ATAD2: variants seen among roughly 807,000 people sequenced by gnomAD.
The protein encoded by ATAD2 is ATPase family AAA domain-containing protein 2.
In ATAD2, 62 loss-of-function variants were observed where a neutral mutation model predicts 168.9. The ratio of observed to expected loss-of-function variants is 0.37; its 90% CI spans 0.30 to 0.45. The LOEUF is 0.45. Ranked by LOEUF, ATAD2 falls within the 20% of genes least tolerant of loss-of-function variation. The probability of loss-of-function intolerance (pLI) is 1.00; values close to 1 mark genes in which losing one functional copy is unlikely to be tolerated. For missense variants in ATAD2, 1,419 were observed against 1,667.8 expected (o/e 0.85, Z 2.60); for synonymous variants, 613 against 571.6 (o/e 1.07, Z -1.03).
At chr8:123,338,925 TA>T (rs1827991577) in intron 20 of ATAD2, among the ~76,000 whole-genome samples, 1 of 152,046 alleles carries the variant, frequency 6.6e-6, no homozygotes, top group Admixed American at 6.6e-5. Flanking sequence ...AGTAGTTCTT[TA>T]GACAGAGATG....
chr8:123,397,457 T>C (rs2130002497), upstream of ATAD2, among the ~76,000 whole-genome samples: 1 of 152,310 alleles, frequency 6.6e-6, no homozygotes, highest in East Asian at 1.9e-4. Context: ...CAATAAGCGT[T>C]CGCTATTATC....
upstream of ATAD2, chr8:123,400,848 TCAC>T: frequency 7.3e-7 from 1 of 1,363,478 alleles, no homozygotes; most frequent in Admixed American, 1.7e-5. The surrounding 1 kb of genome is among the most constrained non-coding windows in gnomAD (Gnocchi z 4.5). Context: ...TTGGTTTCAT[TCAC>T]CACAACTGCA....
chr8:123,380,212 C>T (rs375086985), intron 2 of ATAD2, among the ~76,000 whole-genome samples: 10 of 152,066 alleles, frequency 6.6e-5, no homozygotes, highest in Middle Eastern at 3.4e-3. Flanking sequence ...CCACTACACC[C>T]GGCTAATTAT....
At position 123,346,873 on chromosome 8, in the gene ATAD2, G is replaced by A. The variant is rs189580888; in HGVS notation, c.2213-123C>T. 1,050 of 1,182,996 alleles carry A rather than the reference G, an allele frequency of 8.9e-4. 1 individual carries two copies. Among genetic ancestry groups the A allele is most frequent in the Admixed American group, 1.7e-3 (65 of 39,002 alleles). The allele number at this position is 1,182,996 out of a possible 1,614,324, so 73.3% of individuals were successfully genotyped here. On this transcript the variant is annotated intron_variant, in intron 16 of 27. Coordinates refer to ENST00000287394, the MANE Select transcript of ATAD2 (RefSeq NM_014109.4). The stretch of plus-strand genomic sequence containing the variant: ...TCAAAGAATCAAAAATATTTGTGTA[G>A]ATATGAATTAATAAGTAAATGTAAA...
intron 1 of ATAD2, among the ~76,000 whole-genome samples, chr8:123,389,379 T>C (rs568518981): frequency 3.5e-5 from 5 of 143,662 alleles, no homozygotes; most frequent in South Asian, 2.4e-4. Context: ...GTGGCTCACA[T>C]CTGTAATCCC....
At chr8:123,383,147 A>G (rs922411166) in intron 1 of ATAD2, among the ~76,000 whole-genome samples, 2 of 152,170 alleles carry the variant, frequency 1.3e-5, no homozygotes. Context: ...TTGAACAATG[A>G]GAACACATGG....
chr8:123,396,460 T>A, upstream of ATAD2: 2 of 1,281,474 alleles, frequency 1.6e-6, no homozygotes, highest in Non-Finnish European at 2.1e-6. Context: ...CGCCACAAGC[T>A]CCGCGCCAGC....
chr8:123,401,992 G>C, intron 1 of ATAD2: 1 of 1,244,248 alleles, frequency 8.0e-7, no homozygotes, highest in Non-Finnish European at 1.2e-6. Context: ...CCCGCAGCCT[G>C]TCTGTCCTTT....
At chr8:123,403,564 G>T (rs1030055901) in intron 1 of ATAD2, among the ~76,000 whole-genome samples, 1 of 152,164 alleles carries the variant, frequency 6.6e-6, no homozygotes, top group African/African-American at 2.4e-5. Flanking sequence ...AGCCTCCTGA[G>T]TAGCTGGGAC....
At chr8:123,392,507 A>C (rs1324078099) in intron 1 of ATAD2, among the ~76,000 whole-genome samples, 1 of 152,116 alleles carries the variant, frequency 6.6e-6, no homozygotes, top group Non-Finnish European at 1.5e-5. Flanking sequence ...ATAAAAAAAA[A>C]ATCTTACCTA....
upstream of ATAD2, chr8:123,396,530 A>G: frequency 1.6e-6 from 1 of 629,714 alleles, no homozygotes; most frequent in Middle Eastern, 4.4e-4. Flanking sequence ...CCACCACCGT[A>G]GAACAGCAGG....
chr8:123,400,806 C>A, upstream of ATAD2: 1 of 973,474 alleles, frequency 1.0e-6, no homozygotes, highest in Non-Finnish European at 1.7e-6. The surrounding 1 kb of genome is among the most constrained non-coding windows in gnomAD (Gnocchi z 4.5). Context: ...CAGAGGGCAA[C>A]ATGGCCATCA....
At chr8:123,330,245 C>T (rs1242700218) in intron 24 of ATAD2, among the ~76,000 whole-genome samples, 3 of 152,130 alleles carry the variant, frequency 2.0e-5, no homozygotes, top group Non-Finnish European at 4.4e-5. Context: ...CCACCTTAGC[C>T]TCCCAAAGTG....
chr8:123,411,483 T>G (rs1327161309), intron 1 of ATAD2, among the ~76,000 whole-genome samples: 1 of 152,098 alleles, frequency 6.6e-6, no homozygotes, highest in African/African-American at 2.4e-5. Context: ...CGACTAAGAA[T>G]CCGTAAGCCT....
chr8:123,408,830 CTTT>C (rs763955875), intron 1 of ATAD2, among the ~76,000 whole-genome samples: 2 of 140,942 alleles, frequency 1.4e-5, no homozygotes, highest in Non-Finnish European at 1.5e-5. Flanking sequence ...AAGATATATT[CTTT>C]TTTTTTTTTT....
chr8:123,368,674 T>A (rs911584546), intron 8 of ATAD2, among the ~76,000 whole-genome samples: 1 of 152,144 alleles, frequency 6.6e-6, no homozygotes, highest in Non-Finnish European at 1.5e-5. Flanking sequence ...GGAAAATGCA[T>A]CTGTGATAGT....
chr8:123,325,709 C>G (rs1045632599), intron 26 of ATAD2, among the ~76,000 whole-genome samples, 184 bp downstream of exon 26: 5 of 152,190 alleles, frequency 3.3e-5, no homozygotes, highest in African/African-American at 1.2e-4. Flanking sequence ...GCGTGAGCCA[C>G]TGTGCCTGAC....
Position 123,321,112 on chromosome 8 carries a change from A to T in ATAD2, c.*22T>A, listed in dbSNP as rs1440275142. 1 of 1,604,920 alleles carries T rather than the reference A, an allele frequency of 6.2e-7. No homozygotes were observed. The highest frequency in any genetic ancestry group is 1.7e-5 in the Admixed American group (1 of 58,014). On this transcript the variant is annotated 3_prime_UTR_variant, in exon 28 of 28. Coordinates refer to ENST00000287394, the MANE Select transcript of ATAD2 (RefSeq NM_014109.4). Reference sequence around the variant, plus strand: ...ACTTAAATAGGAACTGAATATAAAGAATACTCGATACCATGACATCATCAT... The same window carrying T: ...ACTTAAATAGGAACTGAATATAAAGTATACTCGATACCATGACATCATCAT...
upstream of ATAD2, among the ~76,000 whole-genome samples, chr8:123,397,722 T>TA (rs1254236202): frequency 6.6e-6 from 1 of 152,212 alleles, no homozygotes; most frequent in Non-Finnish European, 1.5e-5. Flanking sequence ...TAATGGAACT[T>TA]AAACTCTAGT....
Sources: allele counts gnomAD v4.1 joint callset (sites outside exome capture counted in the v4.1 genomes callset), GRCh38; gene constraint gnomAD v4.1.1; non-coding constraint Gnocchi (gnomAD v3.1); transcripts MANE v1.5; gene names NCBI Gene and HGNC (gene_info 2026-07-23, HGNC 2026-07-21).